CEP128: variants seen among roughly 807,000 people sequenced by gnomAD.
CEP128 encodes centrosomal protein 128kDa.
A neutral mutation model predicts 156.7 loss-of-function variants in CEP128; 132 were observed. The ratio of observed to expected loss-of-function variants is 0.84; its 90% CI spans 0.73 to 0.97. The LOEUF (loss-of-function observed/expected upper bound fraction) is 0.97. Among genes scored for constraint, CEP128 ranks in the 50% least tolerant of loss-of-function variants. The pLI, the probability that CEP128 is intolerant of heterozygous loss-of-function variation, is 0.00. For missense variants in CEP128, 1,252 were observed against 1,281.9 expected, an observed-to-expected ratio of 0.98 and a Z score of 0.36; for synonymous variants, 469 against 448.9, an observed-to-expected ratio of 1.04 and a Z score of -0.57.
intron 19 of CEP128, among the ~76,000 whole-genome samples, chr14:80,641,184 A>G (rs1056697198): frequency 1.3e-5 from 2 of 152,166 alleles, no homozygotes; most frequent in African/African-American, 4.8e-5. Flanking sequence ...ACCATTAACC[A>G]TCTTCATATC....
intron 14 of CEP128, among the ~76,000 whole-genome samples, chr14:80,479,090 G>A (rs1887000903): frequency 6.6e-6 from 1 of 152,158 alleles, no homozygotes; most frequent in Non-Finnish European, 1.5e-5. Flanking sequence ...GCTCTTTTAA[G>A]GCAGATGCAA....
At chr14:80,511,454 C>T (rs1888252500) in intron 23 of CEP128, among the ~76,000 whole-genome samples, 1 of 151,908 alleles carries the variant, frequency 6.6e-6, no homozygotes, top group Admixed American at 6.6e-5. Context: ...AATTAGCCTC[C>T]ATTTTCCTCT....
At position 80,630,830 on chromosome 14, in the gene CEP128, C is replaced by T. The variant is rs1893931163; in HGVS notation, c.2807-50407G>A. 2.0e-5 allele frequency among the ~76,000 whole-genome samples: 3 copies of T among 151,972 alleles called. No individual in the cohort carries two copies. In the South Asian group the frequency reaches 6.2e-4, roughly 31 times the overall value. On this transcript the variant is annotated intron_variant, in intron 19 of 24. Coordinates refer to ENST00000555265, the MANE Select transcript of CEP128 (RefSeq NM_152446.5). ...TGTAATACAGAATCACAAAAGTCAC[C>T]ATCAGCACGCATTGTAATATGTTAC...
intron 2 of CEP128, among the ~76,000 whole-genome samples, chr14:80,938,759 CAAT>C (rs1428844186): frequency 6.6e-6 from 1 of 152,000 alleles, no homozygotes; most frequent in Admixed American, 6.6e-5. Flanking sequence ...TCTCTTACCT[CAAT>C]AATAATATAA....
chr14:80,842,979 C>T (rs573661639), intron 9 of CEP128, among the ~76,000 whole-genome samples: 9 of 151,762 alleles, frequency 5.9e-5, no homozygotes, highest in African/African-American at 2.2e-4. Flanking sequence ...TGTGTCATAT[C>T]GTGTATTGTA....
At chr14:80,498,293 A>C (rs1447934017) in intron 24 of CEP128, among the ~76,000 whole-genome samples, 1 of 151,982 alleles carries the variant, frequency 6.6e-6, no homozygotes, top group Non-Finnish European at 1.5e-5. Context: ...CCCCCAAGTC[A>C]CCATTGTCTC....
intron 19 of CEP128, among the ~76,000 whole-genome samples, chr14:80,621,157 T>A (rs983586505): frequency 6.6e-6 from 1 of 152,198 alleles, no homozygotes; most frequent in Non-Finnish European, 1.5e-5. Flanking sequence ...GATTTCTGTA[T>A]ATGTTTAAAA....
At position 80,694,592 on chromosome 14, in the gene CEP128, C is replaced by T. The variant is rs1277574132; in HGVS notation, c.2806+48483G>A. The stretch of plus-strand genomic sequence containing the variant: ...CCATAAAAAAGAATGAGTTCATGTC[C>T]TTTTCAGGGACATGGATGGAGCTGG... On this transcript the variant is annotated intron_variant, in intron 19 of 24. Coordinates refer to ENST00000555265, the MANE Select transcript of CEP128 (RefSeq NM_152446.5). Among the ~76,000 whole-genome samples the T allele has an allele frequency of 2.6e-5, 4 of 152,074 alleles. 1 individual carries two copies.
intron 19 of CEP128, among the ~76,000 whole-genome samples, chr14:80,659,673 A>G (rs917550027): frequency 1.3e-5 from 2 of 152,166 alleles, no homozygotes; most frequent in Non-Finnish European, 2.9e-5. Flanking sequence ...AACCTTAACA[A>G]TGCATTTATA....
At chr14:80,872,644 G>A (rs1407985440) in intron 8 of CEP128, among the ~76,000 whole-genome samples, 1 of 152,164 alleles carries the variant, frequency 6.6e-6, no homozygotes, top group Admixed American at 6.5e-5. Context: ...CACAGTGAAG[G>A]TGCATCATTT....
intron 23 of CEP128, among the ~76,000 whole-genome samples, chr14:80,522,020 T>C (rs1030112948): frequency 9.2e-5 from 14 of 152,236 alleles, no homozygotes; most frequent in African/African-American, 3.4e-4. Context: ...GTAGTTATTA[T>C]AAATGAGATA....
intron 19 of CEP128, among the ~76,000 whole-genome samples, chr14:80,676,023 T>G (rs1355994536): frequency 6.6e-6 from 1 of 152,052 alleles, no homozygotes; most frequent in Non-Finnish European, 1.5e-5. Flanking sequence ...AGAATTTCTC[T>G]AGGCTACTTG....
intron 6 of CEP128, among the ~76,000 whole-genome samples, chr14:80,903,309 ATAATGAAAT>A (rs1381492459): frequency 1.3e-5 from 2 of 152,178 alleles, no homozygotes; most frequent in Non-Finnish European, 2.9e-5. Context: ...TACATGCTAA[ATAATGAAAT>A]TAGGCCCTTA....
chr14:80,909,211 CT>C (rs1296268285), intron 4 of CEP128, among the ~76,000 whole-genome samples: 2 of 151,982 alleles, frequency 1.3e-5, no homozygotes, highest in African/African-American at 2.4e-5. Flanking sequence ...TTATTTTTTA[CT>C]TTTTTTTCAT....
At chr14:80,498,929 T>G (rs1887614575) in intron 24 of CEP128, among the ~76,000 whole-genome samples, 1 of 152,184 alleles carries the variant, frequency 6.6e-6, no homozygotes, top group South Asian at 2.1e-4. Flanking sequence ...CTGGAGCGCC[T>G]CTAGAGAGTA....
chr14:80,557,113 C>A (rs1890469054), intron 21 of CEP128, among the ~76,000 whole-genome samples: 1 of 152,054 alleles, frequency 6.6e-6, no homozygotes, highest in Admixed American at 6.6e-5. Flanking sequence ...TTTATTTTTA[C>A]CTTTATTCTT....
At chr14:80,643,650 C>T (rs561678496) in intron 19 of CEP128, among the ~76,000 whole-genome samples, 16 of 151,996 alleles carry the variant, frequency 1.1e-4, no homozygotes, top group Admixed American at 5.2e-4. Flanking sequence ...GCGAAGGTTA[C>T]AGTGAGCTGA....
intron 19 of CEP128, among the ~76,000 whole-genome samples, chr14:80,586,970 C>T (rs1480209080): frequency 6.6e-6 from 1 of 151,982 alleles, no homozygotes; most frequent in East Asian, 1.9e-4. Context: ...ATGTGTTGGG[C>T]TTTCAGTTAA....
At chr14:80,669,012 C>A (rs142136288) in intron 19 of CEP128, among the ~76,000 whole-genome samples, 20,150 of 152,214 alleles carry the variant, frequency 0.13, 1,753 homozygotes, top group East Asian at 0.42. Context: ...AATTAAACCT[C>A]TTTTCTTTAT....
Sources: gnomAD v4.1 joint callset for allele counts (sites outside exome capture counted in the v4.1 genomes callset) on GRCh38, gnomAD v4.1.1 for gene constraint, MANE v1.5 for transcripts, NCBI Gene and HGNC (gene_info 2026-07-23, HGNC 2026-07-21) for gene names.